The following COPZ1 variants were observed in gnomAD, a reference collection of about 807,000 sequenced individuals.
COPZ1 encodes coatomer subunit zeta-1.
A neutral mutation model predicts 31.7 loss-of-function variants in COPZ1; 4 were observed. That is an observed-to-expected ratio of 0.13 (90% CI 0.06 to 0.29). COPZ1 has a LOEUF of 0.29. Among genes scored for constraint, COPZ1 ranks in the 10% least tolerant of loss-of-function variants. The pLI, the probability that COPZ1 is intolerant of heterozygous loss-of-function variation, is 1.00. For missense variants in COPZ1, 156 were observed against 211.5 expected (o/e 0.74, Z 1.63); for synonymous variants, 74 against 79.0 (o/e 0.94, Z 0.33).
rs542850512 is a variant in COPZ1 at position 54,344,271 on chromosome 12, C to T, written c.261+955C>T. On this transcript the variant is annotated intron_variant, in intron 4 of 8. Coordinates refer to ENST00000262061, the MANE Select transcript of COPZ1 (RefSeq NM_016057.3). ...TTCGCGACCAGGCTGGCCAACATGG[C>T]GAAATCCCATCTCTACTAAAAATAC... is the stretch of plus-strand genomic sequence containing the variant. 4.0e-5 allele frequency among the ~76,000 whole-genome samples: 6 copies of T among 151,244 alleles called. No individual in the cohort carries two copies. The South Asian group carries it at 6.3e-4, about 16-fold the overall frequency.
chr12:54,325,418 A>T (rs1047071672), intron 1 of COPZ1: 5 of 581,086 alleles, frequency 8.6e-6, no homozygotes, highest in Non-Finnish European at 1.5e-5. Flanking sequence ...CAGCACATGG[A>T]CTCCTTAGGA....
Position 54,343,327 on chromosome 12 carries a change from C to T in COPZ1, c.261+11C>T, listed in dbSNP as rs767541214. 1 of 1,598,292 alleles carries T rather than the reference C, an allele frequency of 6.3e-7. No individual in the cohort carries two copies. Among genetic ancestry groups the T allele is most frequent in the East Asian group, 2.2e-5 (1 of 44,784 alleles). On this transcript the variant is annotated intron_variant, in intron 4 of 8. Coordinates refer to ENST00000262061, the MANE Select transcript of COPZ1 (RefSeq NM_016057.3). The stretch of plus-strand genomic sequence containing the variant: ...TCCTATGAAAATGAGGTGAGAATCC[C>T]CACCCCTCTTTGCTATTTCTGATCC...
At chr12:54,330,359 C>A (rs1307641829) in intron 1 of COPZ1, among the ~76,000 whole-genome samples, 2 of 152,182 alleles carry the variant, frequency 1.3e-5, no homozygotes, top group Non-Finnish European at 2.9e-5. Flanking sequence ...TGGAAGCAGA[C>A]CTCGGCTTGA....
intron 1 of COPZ1, among the ~76,000 whole-genome samples, chr12:54,336,642 C>T (rs1026712362): frequency 6.6e-6 from 1 of 151,518 alleles, no homozygotes; most frequent in Non-Finnish European, 1.5e-5. Context: ...CAGGGGGCAG[C>T]ACTAGGAATG....
chr12:54,325,262 G>A (rs971510236), intron 1 of COPZ1, 81 bp downstream of exon 1: 2 of 1,496,952 alleles, frequency 1.3e-6, no homozygotes, highest in African/African-American at 2.8e-5. Context: ...GGGAGACGGG[G>A]AAAGAGAGTT....
chr12:54,343,847 G>C (rs1395111657), intron 4 of COPZ1, among the ~76,000 whole-genome samples: 2 of 152,230 alleles, frequency 1.3e-5, no homozygotes, highest in Non-Finnish European at 2.9e-5. Flanking sequence ...AAAAGTGAAA[G>C]TTTGAGAAAG....
Position 54,350,556 on chromosome 12 carries a change from C to A in COPZ1, c.*33C>A, listed in dbSNP as rs773668773. The A allele has an allele frequency of 3.8e-6, 6 of 1,590,440 alleles. No individual in the cohort carries two copies. In the African/African-American group the frequency reaches 6.7e-5, roughly 18 times the overall value. ...ACTGTTCCTGGCTCTTCATCCTCTT[C>A]AAAAAATTTGCATGTCTGCTGTGAA... On this transcript the variant is annotated 3_prime_UTR_variant, in exon 9 of 9. Transcript: ENST00000262061.
intron 1 of COPZ1, among the ~76,000 whole-genome samples, chr12:54,337,026 A>C (rs976639576): frequency 1.0e-5 from 1 of 99,526 alleles, no homozygotes; most frequent in Non-Finnish European, 2.3e-5. Context: ...TCGCAAAAAA[A>C]AAAAAAAAAA....
At chr12:54,340,943 C>T (rs1953963251) in intron 2 of COPZ1, among the ~76,000 whole-genome samples, 1 of 152,098 alleles carries the variant, frequency 6.6e-6, no homozygotes, top group South Asian at 2.1e-4. Context: ...TCATGATTCG[C>T]CCGCCTTGGC....
intron 1 of COPZ1, 86 bp downstream of exon 1, chr12:54,325,267 A>G: frequency 1.3e-6 from 2 of 1,489,428 alleles, no homozygotes; most frequent in Admixed American, 4.4e-5. Flanking sequence ...ACGGGGAAAG[A>G]GAGTTCCGGG....
chr12:54,345,554 T>C (rs763544697), intron 5 of COPZ1, 39 bp downstream of exon 5: 8 of 1,498,824 alleles, frequency 5.3e-6, no homozygotes, highest in Middle Eastern at 1.7e-4. Flanking sequence ...CAAGTTATGA[T>C]GGAAAGAGCA....
intron 2 of COPZ1, among the ~76,000 whole-genome samples, chr12:54,341,871 T>C (rs745798829): frequency 4.0e-4 from 61 of 152,174 alleles, no homozygotes; most frequent in Admixed American, 1.3e-4. Flanking sequence ...TGACATGGGG[T>C]AGCTCCTAGG....
chr12:54,339,257 T>TAAAA (rs72213270), intron 1 of COPZ1, among the ~76,000 whole-genome samples: 3 of 120,208 alleles, frequency 2.5e-5, no homozygotes, highest in Non-Finnish European at 3.5e-5. Flanking sequence ...CCTTTTCTCT[T>TAAAA]AAAAAAAAAA....
In COPZ1 at chr12:54,343,377, A is replaced by G. The variant is rs1179170348; in HGVS notation, c.261+61A>G. On this transcript the variant is annotated intron_variant, in intron 4 of 8. Coordinates refer to ENST00000262061, the MANE Select transcript of COPZ1 (RefSeq NM_016057.3). ...CTACTTTCTAAACCACAGGCAGTAC[A>G]TAGCCACTGGTTTGGGGCCCTAATA... is the stretch of plus-strand genomic sequence containing the variant. The G allele has an allele frequency of 2.8e-6, 4 of 1,413,904 alleles. No homozygotes were observed. In the South Asian group the frequency reaches 4.6e-5, roughly 16 times the overall value. The allele number at this position is 1,413,904 out of a possible 1,614,324, so 87.6% of individuals were successfully genotyped here. A position where few individuals can be genotyped will look rare whatever the true frequency, so the allele number is the denominator to read the frequency against.
intron 3 of COPZ1, 97 bp downstream of exon 3, chr12:54,342,384 C>T: frequency 1.1e-6 from 1 of 910,482 alleles, no homozygotes; most frequent in Non-Finnish European, 1.8e-6. Context: ...AATGACTCTG[C>T]CTTTTTCTTT....
intron 1 of COPZ1, among the ~76,000 whole-genome samples, chr12:54,331,991 A>T (rs1395002994): frequency 6.6e-6 from 1 of 152,050 alleles, no homozygotes; most frequent in East Asian, 1.9e-4. Context: ...CACTTCCATG[A>T]TAGTTGAAGA....
chr12:54,344,605 A>AATT (rs1364455109), intron 4 of COPZ1: 3 of 151,496 alleles, frequency 2.0e-5, no homozygotes, highest in Non-Finnish European at 4.4e-5. Context: ...CAACAACAAA[A>AATT]ATTAGCTGGG....
intron 1 of COPZ1, among the ~76,000 whole-genome samples, chr12:54,336,874 T>A (rs1953876484): frequency 6.6e-6 from 1 of 151,590 alleles, no homozygotes; most frequent in Non-Finnish European, 1.5e-5. Context: ...ATACAAAAAT[T>A]AGCTGGGCAT....
intron 1 of COPZ1, among the ~76,000 whole-genome samples, chr12:54,332,025 G>A (rs529540983): frequency 6.6e-6 from 1 of 152,140 alleles, no homozygotes; most frequent in Admixed American, 6.6e-5. Context: ...TGACCCCTGG[G>A]TAAAAAATCC....
Sources: allele counts gnomAD v4.1 joint callset (sites outside exome capture counted in the v4.1 genomes callset), GRCh38; gene constraint gnomAD v4.1.1; transcripts MANE v1.5; gene names NCBI Gene and HGNC (gene_info 2026-07-23, HGNC 2026-07-21).